Variants in ELMOD1 observed in about 807,000 individuals in gnomAD.
The protein encoded by ELMOD1 is ELMO domain containing 1, also known as ELMO domain-containing protein 1.
Under a neutral mutation model 46.7 loss-of-function variants are expected in ELMOD1, and 21 were observed. The ratio of observed to expected loss-of-function variants is 0.45; its 90% CI spans 0.32 to 0.65. The LOEUF is 0.65. Among genes scored for constraint, ELMOD1 ranks in the 30% least tolerant of loss-of-function variants. The pLI is 0.04. For missense variants in ELMOD1, 348 were observed against 407.8 expected, an observed-to-expected ratio of 0.85 and a Z score of 1.26; for synonymous variants, 122 against 138.2, an observed-to-expected ratio of 0.88 and a Z score of 0.82.
Position 107,666,437 on chromosome 11 carries a change from T to C in ELMOD1, c.*1240T>C, listed in dbSNP as rs17107305. The C allele has an allele frequency of 0.019, 2,830 of 152,660 alleles. 129 individuals are homozygous for C. The highest frequency in any genetic ancestry group is 0.1 in the East Asian group (520 of 5,174). 9.5% of individuals were successfully genotyped at this position (152,660 alleles called of 1,614,324 possible). Reference sequence around the variant, plus strand: ...AAAACAATTTGCAAGAAAATGTGTTTCAAGAGAGCAACCTAAGCTAAGTCA... The same window carrying C: ...AAAACAATTTGCAAGAAAATGTGTTCCAAGAGAGCAACCTAAGCTAAGTCA... On this transcript the variant is annotated 3_prime_UTR_variant, in exon 12 of 12. Transcript: ENST00000265840.
At chr11:107,656,789 C>A (rs1420918569) in intron 11 of ELMOD1, among the ~76,000 whole-genome samples, 3 of 152,054 alleles carry the variant, frequency 2.0e-5, no homozygotes, top group Non-Finnish European at 4.4e-5. Flanking sequence ...CCGAAGATAG[C>A]CTGAGTTAAT....
rs1305136970 is a variant in ELMOD1, at chr11:107,618,147, T to G, written c.-43T>G. ...AAAGGCAAATTTGGAAGCAATTACT[T>G]GAGGACAGTTCATATAGCATCTGGA... On this transcript the variant is annotated 5_prime_UTR_variant, in exon 2 of 12. Transcript: ENST00000265840. 4 of 1,560,046 alleles carry G rather than the reference T, an allele frequency of 2.6e-6. No homozygotes were observed. Among genetic ancestry groups the G allele is most frequent in the East Asian group, 4.8e-5 (2 of 41,908 alleles).
chr11:107,610,692 T>C (rs934208753), intron 1 of ELMOD1, among the ~76,000 whole-genome samples: 3 of 151,030 alleles, frequency 2.0e-5, no homozygotes, highest in African/African-American at 7.3e-5. Flanking sequence ...TAAATATCTG[T>C]ATTTTTCAAT....
At chr11:107,651,752 G>A (rs752987251) in intron 9 of ELMOD1, among the ~76,000 whole-genome samples, 7 of 152,170 alleles carry the variant, frequency 4.6e-5, no homozygotes, top group Non-Finnish European at 1.0e-4. Context: ...TGGCTGGGGA[G>A]TCAATCCATG....
intron 5 of ELMOD1, among the ~76,000 whole-genome samples, chr11:107,632,981 C>T (rs965767378): frequency 1.3e-5 from 2 of 152,160 alleles, no homozygotes; most frequent in African/African-American, 2.4e-5. Context: ...GATTCCATAG[C>T]TGACTTCATG....
intron 1 of ELMOD1, among the ~76,000 whole-genome samples, chr11:107,611,466 C>G (rs1485708526): frequency 6.6e-6 from 1 of 151,964 alleles, no homozygotes; most frequent in African/African-American, 2.4e-5. Context: ...TTTGGGAGGC[C>G]GAGGTGGGCG....
chr11:107,639,572 G>C (rs1473686932), intron 6 of ELMOD1, among the ~76,000 whole-genome samples: 4 of 152,098 alleles, frequency 2.6e-5, no homozygotes, highest in African/African-American at 9.7e-5. Flanking sequence ...TCTGGCTCGA[G>C]GGCAGATGAA....
At chr11:107,657,879 C>A (rs914465663) in intron 11 of ELMOD1, among the ~76,000 whole-genome samples, 1 of 152,136 alleles carries the variant, frequency 6.6e-6, no homozygotes, top group African/African-American at 2.4e-5. Context: ...GAGAGAGACT[C>A]TTTGAAGAAC....
chr11:107,595,507 G>A (rs1340295849), intron 1 of ELMOD1, among the ~76,000 whole-genome samples: 1 of 152,172 alleles, frequency 6.6e-6, no homozygotes, highest in East Asian at 1.9e-4. Context: ...TTTCAGCAAG[G>A]CTTCGCATGA....
chr11:107,640,745 T>A (rs1866306877), intron 6 of ELMOD1, among the ~76,000 whole-genome samples: 1 of 152,214 alleles, frequency 6.6e-6, no homozygotes, highest in Admixed American at 6.5e-5. Flanking sequence ...CCCATTAAAA[T>A]CAGTTTAGCA....
intron 6 of ELMOD1, among the ~76,000 whole-genome samples, chr11:107,642,119 T>A (rs1866335543): frequency 2.7e-5 from 4 of 150,506 alleles, no homozygotes; most frequent in Non-Finnish European, 5.9e-5. Context: ...AATTTTTGTA[T>A]TTTGAGTAGA....
At chr11:107,608,788 G>A (rs1865729927) in intron 1 of ELMOD1, among the ~76,000 whole-genome samples, 1 of 152,126 alleles carries the variant, frequency 6.6e-6, no homozygotes, top group Admixed American at 6.5e-5. Context: ...TTTTTATATG[G>A]GAGTCCTCCA....
At chr11:107,592,804 A>G (rs1417817309) in intron 1 of ELMOD1, 1 of 155,886 alleles carries the variant, frequency 6.4e-6, no homozygotes, top group Non-Finnish European at 1.4e-5. Flanking sequence ...GTCTTCCTAC[A>G]CTTTGGGTTA....
chr11:107,627,618 A>G (rs572733973), intron 2 of ELMOD1, among the ~76,000 whole-genome samples: 1 of 152,322 alleles, frequency 6.6e-6, no homozygotes, highest in South Asian at 2.1e-4. Context: ...GTAACTCTAT[A>G]TATGGACACT....
In ELMOD1 at chr11:107,651,364, T is replaced by A. The variant is rs545294516; in HGVS notation, c.647+456T>A. Among the ~76,000 whole-genome samples, 111 of 152,336 alleles carry A rather than the reference T, an allele frequency of 7.3e-4. 1 individual carries two copies. The highest frequency in any genetic ancestry group is 2.5e-3 in the African/African-American group (105 of 41,576). The stretch of plus-strand genomic sequence containing the variant: ...GAGTTCCATTATTTTGCAATCATAG[T>A]TTTATATCACTTTTTTCTCCTCGCA... On this transcript the variant is annotated intron_variant, in intron 9 of 11. Transcript: ENST00000265840.
intron 6 of ELMOD1, among the ~76,000 whole-genome samples, chr11:107,640,799 A>T (rs946150739): frequency 6.6e-6 from 1 of 152,218 alleles, no homozygotes; most frequent in African/African-American, 2.4e-5. Flanking sequence ...TCAATAGATT[A>T]TAAAATTATT....
intron 1 of ELMOD1, chr11:107,600,958 GGCTAAAATCACA>G (rs1420052688): frequency 6.6e-6 from 1 of 151,820 alleles, no homozygotes; most frequent in Non-Finnish European, 1.5e-5. Context: ...CCTCCATGTG[GGCTAAAATCACA>G]GCCCCATGGA....
intron 11 of ELMOD1, among the ~76,000 whole-genome samples, chr11:107,657,945 A>G (rs753041952): frequency 7.2e-5 from 11 of 152,224 alleles, no homozygotes; most frequent in Admixed American, 4.6e-4. Flanking sequence ...ATTGGCATAT[A>G]TAGAAGACAG....
intron 11 of ELMOD1, among the ~76,000 whole-genome samples, chr11:107,658,723 T>G (rs1362049453): frequency 1.3e-5 from 2 of 152,146 alleles, no homozygotes; most frequent in Admixed American, 1.3e-4. Context: ...TCACTTGAGG[T>G]CAGGAGTTCA....
Sources: allele counts gnomAD v4.1 joint callset (sites outside exome capture counted in the v4.1 genomes callset), GRCh38; gene constraint gnomAD v4.1.1; transcripts MANE v1.5; gene names NCBI Gene and HGNC (gene_info 2026-07-23, HGNC 2026-07-21).